Variants in UMAD1 observed in about 807,000 individuals in gnomAD.
The protein encoded by UMAD1 is UBAP1-MVB12-associated (UMA) domain containing 1.
UMAD1 carries 8 observed loss-of-function variants against 6.1 expected under a neutral mutation model. The observed-to-expected ratio is 1.30, with a 90% CI of 0.76 to 2.35. The LOEUF is 2.35. UMAD1 is among the 30% of genes most tolerant of loss of function. The pLI is 0.00. For missense variants in UMAD1, 130 were observed against 78.4 expected (o/e 1.66, Z -2.49); for synonymous variants, 56 against 31.4 (o/e 1.78, Z -2.61).
intron 3 of UMAD1, among the ~76,000 whole-genome samples, chr7:7,813,457 G>T (rs762923075): frequency 7.2e-5 from 11 of 152,250 alleles, no homozygotes; most frequent in Non-Finnish European, 5.9e-5. Context: ...GCCTGCCTTG[G>T]CCTCCCAAAG....
chr7:7,866,078 C>T (rs527375412), intron 3 of UMAD1, among the ~76,000 whole-genome samples: 27 of 152,222 alleles, frequency 1.8e-4, no homozygotes, highest in South Asian at 1.5e-3. Context: ...TTGGTGATAA[C>T]GGGCAAAATG....
At position 7,878,456 on chromosome 7, in the gene UMAD1, CA is replaced by C. The variant is rs1314615319; in HGVS notation, c.*920del. The C allele has an allele frequency of 6.6e-6, 1 of 152,162 alleles. No homozygotes were observed. The highest frequency in any genetic ancestry group is 2.4e-5 in the African/African-American group (1 of 41,436). The allele number at this position is 152,162 out of a possible 1,614,324, so 9.4% of individuals were successfully genotyped here. ...GTTTTACTGCTGGAAAAACTGAAAT[CA>C]ACTCATTTCCAATTAGAGTATAGGC... is the stretch of plus-strand genomic sequence containing the variant. On this transcript the variant is annotated 3_prime_UTR_variant, in exon 4 of 4. Transcript: ENST00000682710.
chr7:7,757,563 T>C (rs1431187089), intron 2 of UMAD1, among the ~76,000 whole-genome samples: 1 of 152,172 alleles, frequency 6.6e-6, no homozygotes, highest in African/African-American at 2.4e-5. Context: ...CAGATGTAAA[T>C]GAGGTAACTT....
At chr7:7,646,577 C>G (rs534643332) in intron 1 of UMAD1, among the ~76,000 whole-genome samples, 1 of 149,562 alleles carries the variant, frequency 6.7e-6, no homozygotes, top group African/African-American at 2.5e-5. Context: ...TCCCCAGCCA[C>G]GTGGAACTGT....
intron 3 of UMAD1, among the ~76,000 whole-genome samples, chr7:7,857,788 T>TC (rs1784046341): frequency 1.3e-5 from 2 of 152,178 alleles, no homozygotes; most frequent in African/African-American, 4.8e-5. Context: ...ACAATGTTTT[T>TC]CCCCCTCCAA....
intron 2 of UMAD1, among the ~76,000 whole-genome samples, chr7:7,678,252 T>C (rs2115116317): frequency 1.0e-5 from 1 of 97,752 alleles, no homozygotes; most frequent in African/African-American, 3.5e-5. Context: ...GCATTTGTTA[T>C]TGCTTATCTT....
intron 2 of UMAD1, among the ~76,000 whole-genome samples, chr7:7,673,823 A>G (rs1779674721): frequency 6.6e-6 from 1 of 152,184 alleles, no homozygotes; most frequent in Non-Finnish European, 1.5e-5. Context: ...CTGAAATTAA[A>G]TTAGGCATCC....
At chr7:7,734,046 G>T (rs376793564) in intron 2 of UMAD1, among the ~76,000 whole-genome samples, 118 of 152,132 alleles carry the variant, frequency 7.8e-4, no homozygotes, top group African/African-American at 2.7e-3. Flanking sequence ...GTATGTATAA[G>T]GTTATTCTCC....
chr7:7,829,831 G>T (rs1027544568), intron 3 of UMAD1, among the ~76,000 whole-genome samples: 16 of 152,088 alleles, frequency 1.1e-4, no homozygotes, highest in Non-Finnish European at 1.2e-4. Flanking sequence ...GGATTAAGAG[G>T]CAAGGCACCC....
rs938787603 is a variant in UMAD1 at position 7,816,262 on chromosome 7, A to G, written c.156+14519A>G. 2.6e-5 allele frequency among the ~76,000 whole-genome samples: 4 copies of G among 152,220 alleles called. No homozygotes were observed. The East Asian group carries it at 5.8e-4, about 22-fold the overall frequency. On this transcript the variant is annotated intron_variant, in intron 3 of 3. Transcript: ENST00000682710. ...ACTAACCACAAAACCTATGCTTTGC[A>G]TCGTGTTGTTTTCCTGTCTCCACTA...
chr7:7,641,256 T>C (rs1274523997), intron 1 of UMAD1: 2 of 152,204 alleles, frequency 1.3e-5, no homozygotes, highest in African/African-American at 4.8e-5. Flanking sequence ...CGCCGGTTCT[T>C]TCACCCCGCT....
At chr7:7,646,990 C>A (rs1377245624) in intron 1 of UMAD1, among the ~76,000 whole-genome samples, 21 of 152,168 alleles carry the variant, frequency 1.4e-4, no homozygotes, top group Middle Eastern at 3.2e-3. Context: ...GGGACCCCAC[C>A]CTTCTGCCGC....
At chr7:7,852,676 G>T (rs1473845586) in intron 3 of UMAD1, among the ~76,000 whole-genome samples, 1 of 152,198 alleles carries the variant, frequency 6.6e-6, no homozygotes, top group East Asian at 1.9e-4. Context: ...CTCTGTTCCT[G>T]TGGAGCTGGC....
intron 2 of UMAD1, among the ~76,000 whole-genome samples, chr7:7,778,524 T>C (rs2115249996): frequency 6.6e-6 from 1 of 152,074 alleles, no homozygotes; most frequent in South Asian, 2.1e-4. Context: ...TCTGTGATCA[T>C]CCAATCTTAG....
In UMAD1 at chr7:7,822,139, A is replaced by C. The variant is rs540702708; in HGVS notation, c.156+20396A>C. Among the ~76,000 whole-genome samples, 7 of 152,180 alleles carry C rather than the reference A, an allele frequency of 4.6e-5. No homozygotes were observed. In the South Asian group the frequency reaches 8.3e-4, roughly 18 times the overall value. On this transcript the variant is annotated intron_variant, in intron 3 of 3. Coordinates refer to ENST00000682710, the MANE Select transcript of UMAD1 (RefSeq NM_001302348.2). ...CTTTTCCAGGGGGGTTTAGCTATTT[A>C]CCTGTGAAAAGCTTGTGTACTTTAT...
chr7:7,823,890 A>T (rs1300412308), intron 3 of UMAD1, among the ~76,000 whole-genome samples: 7 of 152,108 alleles, frequency 4.6e-5, no homozygotes, highest in Non-Finnish European at 1.0e-4. Context: ...TCCTTCTCAC[A>T]TCTCTTTATT....
intron 1 of UMAD1, among the ~76,000 whole-genome samples, chr7:7,659,404 C>T (rs149464291): frequency 3.9e-5 from 6 of 152,006 alleles, no homozygotes; most frequent in Admixed American, 2.0e-4. Context: ...GTTAGGGTGT[C>T]GATTTTAGAT....
rs567621253 is a variant in UMAD1 at position 7,702,788 on chromosome 7, G to T, written c.82+29335G>T. 1.0e-4 allele frequency among the ~76,000 whole-genome samples: 13 copies of T among 130,234 alleles called. No homozygotes were observed. The South Asian group carries it at 2.3e-3, about 23-fold the overall frequency. The allele number at this position is 130,234 out of a possible 152,430, so 85.4% of individuals were successfully genotyped here. A position where few individuals can be genotyped will look rare whatever the true frequency, so the allele number is the denominator to read the frequency against. On this transcript the variant is annotated intron_variant, in intron 2 of 3. Coordinates refer to ENST00000682710, the MANE Select transcript of UMAD1 (RefSeq NM_001302348.2). Reference sequence around the variant, plus strand: ...CCATCTGCCAGTGGCCTGGGTTTTTGTTGTTGTTGTTGTTGTTGTTTTTGG... The same window carrying T: ...CCATCTGCCAGTGGCCTGGGTTTTTTTTGTTGTTGTTGTTGTTGTTTTTGG...
chr7:7,676,562 A>G (rs569849727), intron 2 of UMAD1, among the ~76,000 whole-genome samples: 2 of 152,294 alleles, frequency 1.3e-5, no homozygotes, highest in African/African-American at 2.4e-5. Flanking sequence ...AAAAAGTTGT[A>G]TTCTCTACAA....
Sources: gnomAD v4.1 joint callset for allele counts (sites outside exome capture counted in the v4.1 genomes callset) on GRCh38, gnomAD v4.1.1 for gene constraint, MANE v1.5 for transcripts, NCBI Gene and HGNC (gene_info 2026-07-23, HGNC 2026-07-21) for gene names.